The following KIF3C variants were observed in gnomAD, a reference collection of about 807,000 sequenced individuals.
KIF3C encodes the protein kinesin-like protein KIF3C.
KIF3C carries 12 observed loss-of-function variants against 67.7 expected under a neutral mutation model. The observed-to-expected ratio is 0.18, with a 90% CI of 0.11 to 0.29. KIF3C has a LOEUF of 0.29. KIF3C is among the 10% of genes least tolerant of loss of function. The pLI is 1.00. For synonymous variants in KIF3C, 393 were observed against 426.2 expected, an observed-to-expected ratio of 0.92 and a Z score of 0.96; for missense variants, 789 against 1,059.6, an observed-to-expected ratio of 0.74 and a Z score of 3.55.
intron 5 of KIF3C, chr2:25,938,222 G>C (rs1340542835): frequency 2.3e-6 from 1 of 440,584 alleles, no homozygotes; most frequent in East Asian, 7.1e-5. Context: ...AATTAGCTGA[G>C]CATGGCACAT....
chr2:25,980,751 G>A lies in KIF3C; in HGVS notation c.1167C>T (p.Arg389=), dbSNP rs374176786. 13 of 1,614,082 alleles carry A rather than the reference G, an allele frequency of 8.1e-6. No homozygotes were observed. The African/African-American group carries it at 1.5e-4, about 18-fold the overall frequency. Reference sequence around the variant, plus strand: ...CCCTCTTCTCCAGCTGGGCCTTCAGGCGGGCAATCTCCTCTTGGAATTCCC... The same window carrying A: ...CCCTCTTCTCCAGCTGGGCCTTCAGACGGGCAATCTCCTCTTGGAATTCCC... ...LLREFQEEIA[R]LKAQLEKRGM... is the part of the protein sequence containing the mutation. Residue 389 remains arginine, a synonymous_variant, in exon 1 of 8, where the codon CGC becomes CGT. Transcript: ENST00000264712. The surrounding 1 kb of genome is among the most constrained non-coding windows in gnomAD (Gnocchi z 7.6).
At chr2:25,957,698 G>A (rs1663841634) in intron 1 of KIF3C, among the ~76,000 whole-genome samples, 1 of 152,184 alleles carries the variant, frequency 6.6e-6, no homozygotes, top group Non-Finnish European at 1.5e-5. Context: ...CACATCATTG[G>A]GAACACAGCC....
intron 1 of KIF3C, among the ~76,000 whole-genome samples, chr2:25,977,766 C>G (rs952166585): frequency 1.3e-5 from 2 of 152,148 alleles, no homozygotes; most frequent in African/African-American, 4.8e-5. Context: ...CCTCTTTACC[C>G]TGTAGATTCC....
rs1433442142 is a variant in KIF3C at position 25,955,075 on chromosome 2, C to T, written c.1770+466G>A. On this transcript the variant is annotated intron_variant, in intron 3 of 7. Transcript: ENST00000264712. The surrounding 1 kb of genome is among the most constrained non-coding windows in gnomAD (Gnocchi z 5.0). ...ACCCCCCTCACATGTACATGTCTTTCCCTTGCCACGGGCTTTGCAGGGTTC... is the reference window on the plus strand; with the variant it reads ...ACCCCCCTCACATGTACATGTCTTTTCCTTGCCACGGGCTTTGCAGGGTTC... 6.6e-6 allele frequency among the ~76,000 whole-genome samples: 1 copy of T among 152,210 alleles called. No individual in the cohort carries two copies. Among genetic ancestry groups the T allele is most frequent in the Non-Finnish European group, 1.5e-5 (1 of 68,030 alleles).
In KIF3C at chr2:25,929,386, G is replaced by A. The variant is rs139838043; in HGVS notation, c.2207C>T (p.Ala736Val). 4.5e-5 allele frequency: 73 copies of A among 1,613,920 alleles called. No individual in the cohort carries two copies. The highest frequency in any genetic ancestry group is 1.1e-4 in the East Asian group (5 of 44,888). ...FSHDQEQDPR[A>V]LHMERLMRLD... Reference sequence around the variant, plus strand: ...TCGCATGAGCCTCTCCATGTGTAGCGCACGAGGGTCTTGTTCTTGGTCGTG... The same window carrying A: ...TCGCATGAGCCTCTCCATGTGTAGCACACGAGGGTCTTGTTCTTGGTCGTG... The change falls in exon 7 of 8, where the codon GCG becomes GTG. Residue 736 changes from alanine (A) to valine (V), a missense_variant. By Grantham distance (64) the Ala-to-Val change is moderately conservative. Transcript: ENST00000264712.
At chr2:25,947,864 G>A (rs1351059697) in intron 5 of KIF3C, among the ~76,000 whole-genome samples, 2 of 151,962 alleles carry the variant, frequency 1.3e-5, no homozygotes, top group Non-Finnish European at 2.9e-5. Context: ...TGAAGTAAGG[G>A]TTACTTAAAA....
chr2:25,981,666 G>T lies in KIF3C; in HGVS notation c.252C>A (p.Ser84=). The T allele has an allele frequency of 6.2e-7, 1 of 1,614,124 alleles. No homozygotes were observed. The highest frequency in any genetic ancestry group is 8.5e-7 in the Non-Finnish European group (1 of 1,180,044). The change falls in exon 1 of 8, where the codon TCC becomes TCA. Residue 84 remains serine (S), a synonymous_variant. Transcript: ENST00000264712. This position sits in a 1 kb window ranked among gnomAD's most constrained non-coding sequence, Gnocchi z 8.2. The stretch of plus-strand genomic sequence containing the variant: ...CCGTGCCATTGAAACCCTGGAGCAC[G>T]GAGTCTATCAGGGGCCTCACGGTTT... ...YDETVRPLID[S]VLQGFNGTVF... is the part of the protein sequence containing the mutation.
At position 25,963,665 on chromosome 2, in the gene KIF3C, GTATTATTATTAT is replaced by G. The variant is rs72088886; in HGVS notation, c.1546-7233_1546-7222del. ...TTTATTACAGCATCATAGGCATGAA[GTATTATTATTAT>G]TATTATTATTATTATTATTATTATT... On this transcript the variant is annotated intron_variant, in intron 1 of 7. Coordinates refer to ENST00000264712, the MANE Select transcript of KIF3C (RefSeq NM_002254.8). 5.0e-3 allele frequency among the ~76,000 whole-genome samples: 625 copies of G among 125,852 alleles called. 4 individuals are homozygous for G. The highest frequency in any genetic ancestry group is 0.017 in the African/African-American group (526 of 31,650). The allele number at this position is 125,852 out of a possible 152,430, so 82.6% of individuals were successfully genotyped here. A position where few individuals can be genotyped will look rare whatever the true frequency, so the allele number is the denominator to read the frequency against.
At chr2:25,936,695 A>T (rs1172359722) in intron 5 of KIF3C, among the ~76,000 whole-genome samples, 1 of 152,172 alleles carries the variant, frequency 6.6e-6, no homozygotes, top group South Asian at 2.1e-4. Flanking sequence ...TTTCAGCTTT[A>T]CTTGATATTG....
intron 2 of KIF3C, among the ~76,000 whole-genome samples, chr2:25,956,101 G>T (rs2149234411): frequency 6.6e-6 from 1 of 152,316 alleles, no homozygotes; most frequent in East Asian, 1.9e-4. Context: ...TTAGTACCAG[G>T]TGGCTTGTGG....
At chr2:25,967,564 T>C (rs1274328084) in intron 1 of KIF3C, among the ~76,000 whole-genome samples, 1 of 152,208 alleles carries the variant, frequency 6.6e-6, no homozygotes, top group African/African-American at 2.4e-5. Context: ...CCCAGCACTT[T>C]GGGAGGCTGA....
rs371570181 is a variant in KIF3C, at chr2:25,952,563, ATT to A, written c.1890-660_1890-659del. ...TGTGTGTGTGTGTATATATATATATATTTTTTTTTTTTTGAGACAGTTTTGCA... is the reference window on the plus strand; with the variant it reads ...TGTGTGTGTGTGTATATATATATATATTTTTTTTTTTGAGACAGTTTTGCA... On this transcript the variant is annotated intron_variant, in intron 4 of 7. Coordinates refer to ENST00000264712, the MANE Select transcript of KIF3C (RefSeq NM_002254.8). Among the ~76,000 whole-genome samples the A allele has an allele frequency of 5.1e-3, 526 of 103,696 alleles. 2 individuals carry two copies. Among genetic ancestry groups the A allele is most frequent in the African/African-American group, 0.021 (498 of 24,250 alleles). 68.0% of individuals were successfully genotyped at this position (103,696 alleles called of 152,430 possible). A position where few individuals can be genotyped will look rare whatever the true frequency, so the allele number is the denominator to read the frequency against.
chr2:25,977,586 G>A (rs1164964863), intron 1 of KIF3C, among the ~76,000 whole-genome samples: 1 of 152,208 alleles, frequency 6.6e-6, no homozygotes, highest in African/African-American at 2.4e-5. Flanking sequence ...CTGTCCTGGA[G>A]ATCACTGGAC....
At chr2:25,972,395 C>A (rs1237015193) in intron 1 of KIF3C, among the ~76,000 whole-genome samples, 1 of 152,110 alleles carries the variant, frequency 6.6e-6, no homozygotes, top group Non-Finnish European at 1.5e-5. Flanking sequence ...CTTTGTGTTA[C>A]AAAATGCCCC....
At chr2:25,929,238 T>A (rs1457560661) in intron 7 of KIF3C, 67 bp downstream of exon 7, 17 of 1,550,940 alleles carry the variant, frequency 1.1e-5, no homozygotes, top group Admixed American at 1.7e-5. Flanking sequence ...CTCTTTAGCA[T>A]CACCCAGCGC....
chr2:25,949,603 C>G (rs1389239806), intron 5 of KIF3C, among the ~76,000 whole-genome samples: 2 of 152,020 alleles, frequency 1.3e-5, no homozygotes, highest in African/African-American at 4.8e-5. Flanking sequence ...CATCCCACAA[C>G]TAGTTGAGCA....
intron 5 of KIF3C, chr2:25,938,196 C>T (rs1377645845): frequency 7.4e-6 from 3 of 407,556 alleles, no homozygotes; most frequent in African/African-American, 6.2e-5. Flanking sequence ...AACCCCCTCT[C>T]TACCAAAAAT....
chr2:25,978,654 TC>T (rs146920629), intron 1 of KIF3C, among the ~76,000 whole-genome samples: 6,208 of 152,176 alleles, frequency 0.041, 383 homozygotes, highest in African/African-American at 0.14. Context: ...ACTGGTCAGT[TC>T]CCAACAACGG....
chr2:25,930,140 C>A, intron 5 of KIF3C, 77 bp from the exon 6 acceptor site: 1 of 1,159,634 alleles, frequency 8.6e-7, no homozygotes, highest in Non-Finnish European at 1.3e-6. Flanking sequence ...ACCTAAATAT[C>A]ATTCAGGTAG....
Sources: gnomAD v4.1 joint callset for allele counts (sites outside exome capture counted in the v4.1 genomes callset) on GRCh38, gnomAD v4.1.1 for gene constraint, Gnocchi (gnomAD v3.1) non-coding constraint, MANE v1.5 for transcripts, NCBI Gene and HGNC (gene_info 2026-07-23, HGNC 2026-07-21) for gene names.